The following LEMD1 variants were observed in gnomAD, a reference collection of about 807,000 sequenced individuals.
LEMD1 encodes the protein LEM domain containing 1.
In LEMD1, 18 loss-of-function variants were observed where a neutral mutation model predicts 17.4. The ratio of observed to expected loss-of-function variants is 1.04; its 90% CI spans 0.72 to 1.54. The LOEUF is 1.54. Among genes scored for constraint, LEMD1 ranks in the 40% most tolerant of loss-of-function variants. The probability of loss-of-function intolerance (pLI) is 0.00; values close to 1 mark genes in which losing one functional copy is unlikely to be tolerated. For synonymous variants in LEMD1, 88 were observed against 77.8 expected (o/e 1.13, Z -0.69); for missense variants, 195 against 210.4 (o/e 0.93, Z 0.45).
At chr1:205,446,892 T>A (rs1432398526) in intron 1 of LEMD1, among the ~76,000 whole-genome samples, 1 of 152,218 alleles carries the variant, frequency 6.6e-6, no homozygotes. Context: ...CCCAGCTGGC[T>A]TGGGATTTCT....
intron 3 of LEMD1, among the ~76,000 whole-genome samples, chr1:205,417,541 C>G (rs563298317): frequency 6.6e-6 from 1 of 152,150 alleles, no homozygotes; most frequent in Non-Finnish European, 1.5e-5. Flanking sequence ...GGATCTGGGA[C>G]AGGACTCTGA....
chr1:205,402,253 G>A (rs1422967426), intron 4 of LEMD1, among the ~76,000 whole-genome samples: 6 of 152,200 alleles, frequency 3.9e-5, no homozygotes, highest in African/African-American at 1.4e-4. Context: ...GTCATTGGTA[G>A]CTTGATGGGG....
chr1:205,445,025 TA>T (rs1666360111), intron 1 of LEMD1, among the ~76,000 whole-genome samples: 1 of 151,894 alleles, frequency 6.6e-6, no homozygotes, highest in African/African-American at 2.4e-5. Flanking sequence ...GTAATTAAAA[TA>T]TGAATTCACC....
chr1:205,386,954 A>G (rs1558706070), intron 4 of LEMD1: 1 of 152,248 alleles, frequency 6.6e-6, no homozygotes. Flanking sequence ...AGACAACAGT[A>G]TCATGAACCT....
At chr1:205,445,831 TAG>T (rs1666380091) in intron 1 of LEMD1, among the ~76,000 whole-genome samples, 1 of 152,190 alleles carries the variant, frequency 6.6e-6, no homozygotes, top group Admixed American at 6.5e-5. Flanking sequence ...GGTCAAACTT[TAG>T]TGTCAAACTT....
chr1:205,401,721 T>C (rs12083808), intron 4 of LEMD1, among the ~76,000 whole-genome samples: 1,786 of 152,268 alleles, frequency 0.012, 29 homozygotes, highest in African/African-American at 0.039. Flanking sequence ...ATCCCATTTG[T>C]CAATTTTGGC....
chr1:205,431,323 C>A (rs1385151249), intron 1 of LEMD1, among the ~76,000 whole-genome samples: 1 of 152,226 alleles, frequency 6.6e-6, no homozygotes, highest in Non-Finnish European at 1.5e-5. Context: ...AACATGCACA[C>A]TTGCGATTCC....
At chr1:205,414,366 C>T (rs1280119902) in intron 4 of LEMD1, among the ~76,000 whole-genome samples, 2 of 151,020 alleles carry the variant, frequency 1.3e-5, no homozygotes, top group Admixed American at 1.3e-4. Flanking sequence ...GAGGATCACT[C>T]GAGGCCAAGA....
intron 4 of LEMD1, among the ~76,000 whole-genome samples, chr1:205,403,648 A>G (rs1210735179): frequency 1.3e-5 from 2 of 152,052 alleles, no homozygotes; most frequent in Non-Finnish European, 2.9e-5. Context: ...CTTTCAAAGA[A>G]CCAGCTCCTG....
At chr1:205,416,718 T>C (rs1466232497) in intron 3 of LEMD1, among the ~76,000 whole-genome samples, 1 of 152,074 alleles carries the variant, frequency 6.6e-6, no homozygotes, top group Non-Finnish European at 1.5e-5. Flanking sequence ...CCTTTAAAAT[T>C]GGGGGAACTG....
At chr1:205,381,996 G>A (rs7537806) in intron 5 of LEMD1, 140 bp from the exon 6 acceptor site, 106,407 of 747,896 alleles carry the variant, frequency 0.14, 8,373 homozygotes, top group East Asian at 0.25. Flanking sequence ...TAAAAACCTA[G>A]GCTAATTTCT....
chr1:205,404,891 G>A (rs990905634), intron 4 of LEMD1, among the ~76,000 whole-genome samples: 51 of 152,016 alleles, frequency 3.4e-4, no homozygotes, highest in African/African-American at 1.2e-3. Flanking sequence ...TTTTAGGGCA[G>A]GCCTGGTGGT....
chr1:205,425,383 C>A (rs552095166), upstream of LEMD1, among the ~76,000 whole-genome samples: 227 of 152,098 alleles, frequency 1.5e-3, no homozygotes, highest in Non-Finnish European at 2.9e-3. Flanking sequence ...TGGGGAGGTG[C>A]GGAGGGGGAG....
At chr1:205,385,143 C>T (rs1197796650) in intron 4 of LEMD1, 4 of 152,136 alleles carry the variant, frequency 2.6e-5, no homozygotes. Context: ...TACTCTCATC[C>T]ACTCAGATCA....
At chr1:205,382,074 T>A in intron 5 of LEMD1, 2 of 562,566 alleles carry the variant, frequency 3.6e-6, no homozygotes, top group Non-Finnish European at 3.2e-6. Context: ...CAATCACAGC[T>A]CACTGCAGCC....
intron 4 of LEMD1, among the ~76,000 whole-genome samples, chr1:205,390,388 C>A (rs1437905624): frequency 6.6e-6 from 1 of 151,150 alleles, no homozygotes; most frequent in Admixed American, 6.6e-5. Context: ...TTTTAGTAAA[C>A]CAGGAATAGG....
chr1:205,386,986 C>T (rs893177390), intron 4 of LEMD1: 3 of 152,188 alleles, frequency 2.0e-5, no homozygotes, highest in Non-Finnish European at 2.9e-5. Flanking sequence ...TCACATGCAA[C>T]TTCTTTTTAA....
chr1:205,385,244 C>G lies in LEMD1; in HGVS notation c.271-880G>C, dbSNP rs377036249. On this transcript the variant is annotated intron_variant, in intron 4 of 5. Coordinates refer to ENST00000367153, the MANE Select transcript of LEMD1 (RefSeq NM_001199050.2). ...GTTTTTGGAGACAGAGTCACCCAGGCTGGAGTGTAGTGGCACGATCTTGGC... is the reference window on the plus strand; with the variant it reads ...GTTTTTGGAGACAGAGTCACCCAGGGTGGAGTGTAGTGGCACGATCTTGGC... 8 of 152,342 alleles carry G rather than the reference C, an allele frequency of 5.3e-5. No individual in the cohort carries two copies. The East Asian group carries it at 1.3e-3, about 26-fold the overall frequency. The allele number at this position is 152,342 out of a possible 1,614,324, so 9.4% of individuals were successfully genotyped here.
At chr1:205,402,020 C>T (rs1307556282) in intron 4 of LEMD1, among the ~76,000 whole-genome samples, 4 of 151,968 alleles carry the variant, frequency 2.6e-5, no homozygotes, top group South Asian at 2.1e-4. Context: ...TGTAGATATG[C>T]GGCGTTATTT....
Sources: gnomAD v4.1 joint callset for allele counts (sites outside exome capture counted in the v4.1 genomes callset) on GRCh38, gnomAD v4.1.1 for gene constraint, MANE v1.5 for transcripts, NCBI Gene and HGNC (gene_info 2026-07-23, HGNC 2026-07-21) for gene names.